The following SEC14L1 variants were observed in gnomAD, a reference collection of about 807,000 sequenced individuals.
SEC14L1 encodes SEC14 like lipid binding 1, also known as SEC14-like protein 1.
SEC14L1 carries 48 observed loss-of-function variants against 85.3 expected under a neutral mutation model. The ratio of observed to expected loss-of-function variants is 0.56; its 90% CI spans 0.45 to 0.72. The LOEUF (loss-of-function observed/expected upper bound fraction) is 0.72. Among genes scored for constraint, SEC14L1 ranks in the 30% least tolerant of loss-of-function variants. The pLI, the probability that SEC14L1 is intolerant of heterozygous loss-of-function variation, is 0.00. For synonymous variants in SEC14L1, 391 were observed against 355.5 expected, an observed-to-expected ratio of 1.10 and a Z score of -1.12; for missense variants, 682 against 921.4, an observed-to-expected ratio of 0.74 and a Z score of 3.36.
rs564262440 is a variant in SEC14L1, at chr17:77,153,476, A to G, written c.63+9817A>G. Among the ~76,000 whole-genome samples, 230 of 152,290 alleles carry G rather than the reference A, an allele frequency of 1.5e-3. 1 individual carries two copies. The highest frequency in any genetic ancestry group is 5.3e-3 in the African/African-American group (219 of 41,568). On this transcript the variant is annotated intron_variant, in intron 3 of 16. Coordinates refer to ENST00000436233, the MANE Select transcript of SEC14L1 (RefSeq NM_001143998.2). ...TATATAATTTTGAGTTGCAAATAAG[A>G]TGCAAAATATTTTTTTCCCAAATTA...
chr17:77,095,166 T>G (rs1483534901), intron 3 of SEC14L1, among the ~76,000 whole-genome samples: 1 of 152,160 alleles, frequency 6.6e-6, no homozygotes, highest in Non-Finnish European at 1.5e-5. Context: ...ATTGGAAGGA[T>G]TAGATCCTAG....
chr17:77,201,032 C>T (rs911730001), intron 9 of SEC14L1, among the ~76,000 whole-genome samples: 1 of 152,230 alleles, frequency 6.6e-6, no homozygotes, highest in African/African-American at 2.4e-5. Flanking sequence ...AATAAAGGGA[C>T]TTTTCAATGA....
chr17:77,122,178 C>T (rs947738525), intron 3 of SEC14L1, among the ~76,000 whole-genome samples: 1 of 152,076 alleles, frequency 6.6e-6, no homozygotes. Flanking sequence ...CTTCTGTTAT[C>T]ACATCATATA....
chr17:77,130,481 A>AT (rs1972578772), intron 3 of SEC14L1, among the ~76,000 whole-genome samples: 1 of 151,232 alleles, frequency 6.6e-6, no homozygotes, highest in African/African-American at 2.4e-5. Context: ...CACTCAGCTA[A>AT]TTTTTTTGTA....
chr17:77,185,159 G>T, intron 3 of SEC14L1: 1 of 924,710 alleles, frequency 1.1e-6, no homozygotes, highest in Non-Finnish European at 1.3e-6. Context: ...TTTGTTTTAG[G>T]CATTGAAGTC....
At position 77,205,925 on chromosome 17, in the gene SEC14L1, C is replaced by T. The variant is rs1038698400; in HGVS notation, c.1170-304C>T. Among the ~76,000 whole-genome samples, 13 of 152,102 alleles carry T rather than the reference C, an allele frequency of 8.5e-5. 1 individual carries two copies. The South Asian group carries it at 1.2e-3, about 15-fold the overall frequency. ...TGGCAGGTTGGGGGGTGGTTTAGCA[C>T]GTCGAGGACAGCACACTGTGGCTTT... is the stretch of plus-strand genomic sequence containing the variant. On this transcript the variant is annotated intron_variant, in intron 11 of 16. Transcript: ENST00000436233.
chr17:77,111,191 GA>G (rs57425211), intron 3 of SEC14L1, among the ~76,000 whole-genome samples: 36,623 of 101,338 alleles, frequency 0.36, 4,811 homozygotes, highest in East Asian at 0.49. Context: ...GTCTCAAAAA[GA>G]AAAAAAAAAA....
intron 8 of SEC14L1, 87 bp from the exon 9 acceptor site, chr17:77,200,397 G>T: frequency 9.6e-7 from 1 of 1,045,632 alleles, no homozygotes; most frequent in Non-Finnish European, 1.4e-6. Flanking sequence ...TTGAACTCCT[G>T]AGCTCAAGCG....
At chr17:77,171,174 A>G (rs552687316) in intron 3 of SEC14L1, among the ~76,000 whole-genome samples, 3 of 152,142 alleles carry the variant, frequency 2.0e-5, no homozygotes, top group South Asian at 2.1e-4. Context: ...ATAGATTTCT[A>G]TACACCCATA....
rs78901342 is a variant in SEC14L1 at position 77,164,777 on chromosome 17, G to A, written c.63+21118G>A. ...TGCTAGGAAAGCTGAGCTTAAAATA[G>A]CTGAAGGCCATAGATACTGGTACAG... On this transcript the variant is annotated intron_variant, in intron 3 of 16. Transcript: ENST00000436233. 7.5e-3 allele frequency among the ~76,000 whole-genome samples: 1,149 copies of A among 152,284 alleles called. 16 individuals are homozygous for A. Among genetic ancestry groups the A allele is most frequent in the African/African-American group, 0.026 (1,069 of 41,540 alleles).
At chr17:77,188,235 A>C (rs2143779056) in intron 3 of SEC14L1, among the ~76,000 whole-genome samples, 1 of 152,310 alleles carries the variant, frequency 6.6e-6, no homozygotes, top group Middle Eastern at 3.4e-3. Flanking sequence ...CGCATAGTCG[A>C]GACGCAGAGT....
At chr17:77,161,712 C>CTT (rs763767954) in intron 3 of SEC14L1, among the ~76,000 whole-genome samples, 3,300 of 102,978 alleles carry the variant, frequency 0.032, 129 homozygotes, top group African/African-American at 0.093. Flanking sequence ...TAAATTGGTT[C>CTT]TTTTTTTTTT....
intron 3 of SEC14L1, among the ~76,000 whole-genome samples, chr17:77,097,281 T>A (rs563383896): frequency 1.1e-4 from 16 of 152,316 alleles, no homozygotes; most frequent in African/African-American, 3.4e-4. Flanking sequence ...GAGTGCTGAT[T>A]GTGGCCGGGC....
At chr17:77,110,806 C>G (rs1203006431) in intron 3 of SEC14L1, among the ~76,000 whole-genome samples, 4 of 148,772 alleles carry the variant, frequency 2.7e-5, no homozygotes, top group African/African-American at 9.9e-5. Context: ...ATGGTGTGAA[C>G]CCGGGAGTTT....
chr17:77,134,645 C>T (rs368583901), intron 3 of SEC14L1, among the ~76,000 whole-genome samples: 4 of 152,210 alleles, frequency 2.6e-5, no homozygotes, highest in African/African-American at 9.7e-5. Flanking sequence ...GCAGGAGAAT[C>T]GCTTGAACCC....
chr17:77,216,673 T>C lies in SEC14L1; in HGVS notation c.*2650T>C. ...GCCCCCTCCCAGGCTGAAGATCTGTTCTTTTTAAGTTGATTCGGGAGTGGC... is the reference window on the plus strand; with the variant it reads ...GCCCCCTCCCAGGCTGAAGATCTGTCCTTTTTAAGTTGATTCGGGAGTGGC... On this transcript the variant is annotated 3_prime_UTR_variant, in exon 17 of 17. Coordinates refer to ENST00000436233, the MANE Select transcript of SEC14L1 (RefSeq NM_001143998.2). The C allele has an allele frequency of 6.3e-7, 1 of 1,591,860 alleles. No individual in the cohort carries two copies. Among genetic ancestry groups the C allele is most frequent in the South Asian group, 1.1e-5 (1 of 90,056 alleles).
At chr17:77,128,583 T>C (rs1043101959) in intron 3 of SEC14L1, among the ~76,000 whole-genome samples, 1 of 151,528 alleles carries the variant, frequency 6.6e-6, no homozygotes, top group African/African-American at 2.4e-5. Context: ...CTCAGCCTCC[T>C]GAGTAGCTGG....
chr17:77,195,169 T>TG (rs1975742909), intron 7 of SEC14L1: 1 of 508,854 alleles, frequency 2.0e-6, no homozygotes, highest in South Asian at 2.7e-5. Context: ...GGTGTTTGTT[T>TG]GTTTGTTTAA....
intron 3 of SEC14L1, among the ~76,000 whole-genome samples, chr17:77,167,146 CTTTTT>C (rs72037954): frequency 0.25 from 33,629 of 134,496 alleles, 4,020 homozygotes; most frequent in African/African-American, 0.33. Context: ...TTTCTTTTTC[CTTTTT>C]TTTTTTTTTT....
Sources: allele counts gnomAD v4.1 joint callset (sites outside exome capture counted in the v4.1 genomes callset), GRCh38; gene constraint gnomAD v4.1.1; transcripts MANE v1.5; gene names NCBI Gene and HGNC (gene_info 2026-07-23, HGNC 2026-07-21).